The following ENOX1 variants were observed in gnomAD, a reference collection of about 807,000 sequenced individuals.
ENOX1 encodes the protein ecto-NOX disulfide-thiol exchanger 1.
Under a neutral mutation model 82.5 loss-of-function variants are expected in ENOX1, and 42 were observed. That is an observed-to-expected ratio of 0.51 (90% CI 0.40 to 0.66). The LOEUF (loss-of-function observed/expected upper bound fraction) is 0.66, where lower values mean the gene tolerates loss of function less well. Among genes scored for constraint, ENOX1 ranks in the 30% least tolerant of loss-of-function variants. The probability of loss-of-function intolerance (pLI) is 0.00; values close to 1 mark genes in which losing one functional copy is unlikely to be tolerated. For missense variants in ENOX1, 608 were observed against 811.6 expected, an observed-to-expected ratio of 0.75 and a Z score of 3.05; for synonymous variants, 271 against 282.2, an observed-to-expected ratio of 0.96 and a Z score of 0.40.
intron 2 of ENOX1, among the ~76,000 whole-genome samples, chr13:43,502,136 C>T: frequency 6.6e-6 from 1 of 151,390 alleles, no homozygotes; most frequent in East Asian, 1.9e-4. Flanking sequence ...GAAATGAATA[C>T]ATTATTAGAA....
At chr13:43,616,160 ATC>A (rs1472769419) in intron 2 of ENOX1, among the ~76,000 whole-genome samples, 88 of 5,014 alleles carry the variant, frequency 0.018, 24 homozygotes, top group Non-Finnish European at 0.028. Context: ...ATAGATAGAT[ATC>A]TATCTATCTA....
At position 43,730,795 on chromosome 13, in the gene ENOX1, T is replaced by G. The variant is rs144574539; in HGVS notation, c.-285+55857A>C. On this transcript the variant is annotated intron_variant, in intron 1 of 16. Transcript: ENST00000690772. ...AGCTCCCTGCAATGTCTGTGCAGCTTCTGACCTGTGTGTTTTTGCTCCAGC... is the reference window on the plus strand; with the variant it reads ...AGCTCCCTGCAATGTCTGTGCAGCTGCTGACCTGTGTGTTTTTGCTCCAGC... Among the ~76,000 whole-genome samples, 181 of 152,300 alleles carry G rather than the reference T, an allele frequency of 1.2e-3. 1 individual carries two copies. The highest frequency in any genetic ancestry group is 4.0e-3 in the African/African-American group (167 of 41,570).
chr13:43,425,991 AAAC>A (rs1356214838), intron 3 of ENOX1, among the ~76,000 whole-genome samples: 4 of 152,332 alleles, frequency 2.6e-5, no homozygotes, highest in South Asian at 4.1e-4. Context: ...AACTTATACT[AAAC>A]ATCAGATGTG....
In ENOX1 at chr13:43,699,333, G is replaced by A. The variant is rs541365817; in HGVS notation, c.-284-31789C>T. ...CTCTACAGAGGAACACACAACCCAT[G>A]CTAGCAAAAAGAAGTAGAAAGAATT... On this transcript the variant is annotated intron_variant, in intron 1 of 16. Transcript: ENST00000690772. 5.1e-4 allele frequency among the ~76,000 whole-genome samples: 77 copies of A among 152,250 alleles called. 1 individual carries two copies. In the South Asian group the frequency reaches 0.015, roughly 30 times the overall value.
chr13:43,767,052 G>C (rs1431863330), intron 1 of ENOX1, among the ~76,000 whole-genome samples: 1 of 152,066 alleles, frequency 6.6e-6, no homozygotes, highest in Admixed American at 6.5e-5. Context: ...CAGAGCACAG[G>C]CATCTTGAAT....
chr13:43,348,742 A>G (rs2049562714), intron 8 of ENOX1, among the ~76,000 whole-genome samples: 1 of 152,230 alleles, frequency 6.6e-6, no homozygotes, highest in African/African-American at 2.4e-5. Flanking sequence ...TTTGTGTTCA[A>G]GAAACCCTTA....
At position 43,264,697 on chromosome 13, in the gene ENOX1, CAGAG is replaced by C. The variant is rs1338677837; in HGVS notation, c.1611+697_1611+700del. 1.2e-4 allele frequency among the ~76,000 whole-genome samples: 19 copies of C among 152,168 alleles called. No individual in the cohort carries two copies. The East Asian group carries it at 2.1e-3, about 17-fold the overall frequency. The stretch of plus-strand genomic sequence containing the variant: ...GATGAGGATAATCAAATACAGATAT[CAGAG>C]AGATTTAAAAAAGACAAAATCATCA... On this transcript the variant is annotated intron_variant, in intron 14 of 16. Coordinates refer to ENST00000690772, the MANE Select transcript of ENOX1 (RefSeq NM_001347969.2).
intron 2 of ENOX1, among the ~76,000 whole-genome samples, chr13:43,664,458 T>G (rs1405201578): frequency 6.6e-6 from 1 of 152,254 alleles, no homozygotes; most frequent in Non-Finnish European, 1.5e-5. Context: ...ATAATTGTTG[T>G]AGCACACACT....
chr13:43,747,532 G>T (rs1009522061), intron 1 of ENOX1, among the ~76,000 whole-genome samples: 1 of 152,174 alleles, frequency 6.6e-6, no homozygotes, highest in Non-Finnish European at 1.5e-5. Flanking sequence ...TTCTGCGATG[G>T]TGAGGGTTGT....
chr13:43,349,498 C>T (rs2049624545), intron 8 of ENOX1, among the ~76,000 whole-genome samples: 1 of 152,154 alleles, frequency 6.6e-6, no homozygotes, highest in South Asian at 2.1e-4. Flanking sequence ...TGTTAACCCC[C>T]TTCCTTCTCC....
chr13:43,589,600 G>A (rs1482775113), intron 2 of ENOX1, among the ~76,000 whole-genome samples: 1 of 148,024 alleles, frequency 6.8e-6, no homozygotes, highest in African/African-American at 2.5e-5. Flanking sequence ...GAAACCCTGG[G>A]CTCAAGCAAT....
At chr13:43,737,193 G>A (rs775838118) in intron 1 of ENOX1, among the ~76,000 whole-genome samples, 4 of 152,154 alleles carry the variant, frequency 2.6e-5, no homozygotes, top group Admixed American at 6.6e-5. Context: ...AATTTGTGTT[G>A]CTACCTTCTA....
intron 3 of ENOX1, among the ~76,000 whole-genome samples, chr13:43,417,838 G>C (rs908955552): frequency 9.2e-5 from 14 of 152,192 alleles, no homozygotes; most frequent in Admixed American, 8.5e-4. Context: ...ATTTCTAAAA[G>C]TAAGTGTTGC....
chr13:43,589,895 GC>G (rs1180326718), intron 2 of ENOX1, among the ~76,000 whole-genome samples: 393 of 77,420 alleles, frequency 5.1e-3, no homozygotes, highest in Admixed American at 0.014. Context: ...AGTCTATTCT[GC>G]AAAAAAAAAA....
chr13:43,528,505 C>A (rs1006114640), intron 2 of ENOX1, among the ~76,000 whole-genome samples: 2 of 152,048 alleles, frequency 1.3e-5, no homozygotes, highest in African/African-American at 4.8e-5. Context: ...TTTATTAACA[C>A]TGAATGTTAT....
At chr13:43,385,787 G>T (rs1367639946) in intron 5 of ENOX1, among the ~76,000 whole-genome samples, 1 of 152,130 alleles carries the variant, frequency 6.6e-6, no homozygotes, top group Non-Finnish European at 1.5e-5. Context: ...CACATGTAGT[G>T]GTTATTTCTG....
At chr13:43,230,086 T>C (rs2042209999) in intron 15 of ENOX1, among the ~76,000 whole-genome samples, 2 of 152,000 alleles carry the variant, frequency 1.3e-5, no homozygotes. Context: ...AGCCCAAAAT[T>C]TAGAGGTAAG....
intron 8 of ENOX1, among the ~76,000 whole-genome samples, chr13:43,352,242 C>T (rs2049854873): frequency 6.6e-6 from 1 of 152,220 alleles, no homozygotes; most frequent in African/African-American, 2.4e-5. Flanking sequence ...AAAGGCCCTG[C>T]CTGCAAGGCT....
At chr13:43,401,680 G>T (rs907361695) in intron 5 of ENOX1, among the ~76,000 whole-genome samples, 3 of 152,206 alleles carry the variant, frequency 2.0e-5, no homozygotes, top group African/African-American at 4.8e-5. Flanking sequence ...GAACCTTTCT[G>T]AAGCTCACAA....
Sources: gnomAD v4.1 joint callset for allele counts (sites outside exome capture counted in the v4.1 genomes callset) on GRCh38, gnomAD v4.1.1 for gene constraint, MANE v1.5 for transcripts, NCBI Gene and HGNC (gene_info 2026-07-23, HGNC 2026-07-21) for gene names.